Variants in MTHFD1L observed in about 807,000 individuals in gnomAD.
MTHFD1L encodes monofunctional C1-tetrahydrofolate synthase, mitochondrial.
In MTHFD1L, 81 loss-of-function variants were observed where a neutral mutation model predicts 119.5. The observed-to-expected ratio is 0.68, with a 90% CI of 0.57 to 0.82. The LOEUF is 0.82. MTHFD1L is among the 40% of genes least tolerant of loss of function. The pLI is 0.00. For synonymous variants in MTHFD1L, 430 were observed against 475.2 expected (o/e 0.90, Z 1.24); for missense variants, 1,125 against 1,253.4 (o/e 0.90, Z 1.55).
At chr6:150,992,454 G>A (rs1296357946) in intron 20 of MTHFD1L, among the ~76,000 whole-genome samples, 2 of 152,220 alleles carry the variant, frequency 1.3e-5, no homozygotes, top group African/African-American at 4.8e-5. Context: ...AGAGGGGTGG[G>A]ATGAGCGCAT....
At chr6:150,887,361 C>T (rs2128775620) in intron 6 of MTHFD1L, among the ~76,000 whole-genome samples, 1 of 152,240 alleles carries the variant, frequency 6.6e-6, no homozygotes, top group Admixed American at 6.5e-5. Context: ...GAATTGGAAC[C>T]AAAAGGGTTT....
intron 26 of MTHFD1L, among the ~76,000 whole-genome samples, chr6:151,091,111 A>AGCATCGTTCCATGCGACTGGGTG (rs1562651913): frequency 1.8e-4 from 9 of 50,600 alleles, no homozygotes; most frequent in African/African-American, 3.9e-4. Flanking sequence ...GCGACTGGGT[A>AGCATCGTTCCATGCGACTGGGTG]CAGCATCGTT....
chr6:150,880,176 A>G (rs149710840), intron 4 of MTHFD1L, among the ~76,000 whole-genome samples: 1 of 152,162 alleles, frequency 6.6e-6, no homozygotes, highest in African/African-American at 2.4e-5. Context: ...TCACTCTACT[A>G]TGTAAGAGAA....
intron 4 of MTHFD1L, among the ~76,000 whole-genome samples, chr6:150,878,297 GC>G (rs1780811490): frequency 6.6e-6 from 1 of 151,716 alleles, no homozygotes; most frequent in South Asian, 2.1e-4. Context: ...TGTTGCCCAG[GC>G]TGGAGTGCAA....
intron 20 of MTHFD1L, among the ~76,000 whole-genome samples, chr6:150,998,535 A>G (rs1780137212): frequency 6.6e-6 from 1 of 151,446 alleles, no homozygotes; most frequent in Non-Finnish European, 1.5e-5. Context: ...CTAATTCAAA[A>G]ATCCAAAATC....
At chr6:151,038,007 T>C (rs940891902) in intron 26 of MTHFD1L, among the ~76,000 whole-genome samples, 3 of 152,244 alleles carry the variant, frequency 2.0e-5, no homozygotes, top group African/African-American at 2.4e-5. Context: ...TGCTTTATTG[T>C]GCAAACAAGC....
chr6:151,079,241 G>T (rs111730094), intron 26 of MTHFD1L, among the ~76,000 whole-genome samples: 8 of 151,474 alleles, frequency 5.3e-5, no homozygotes, highest in African/African-American at 1.5e-4. Flanking sequence ...GCTGGAGGGG[G>T]TGGGGAGTAG....
chr6:150,866,263 G>A, intron 1 of MTHFD1L: 11 of 1,441,730 alleles, frequency 7.6e-6, no homozygotes, highest in Non-Finnish European at 7.3e-6. Flanking sequence ...TACCCGACCG[G>A]GCCCGCAGCG....
chr6:150,923,464 A>G (rs1284689414), intron 10 of MTHFD1L, among the ~76,000 whole-genome samples: 2 of 151,774 alleles, frequency 1.3e-5, no homozygotes, highest in Non-Finnish European at 2.9e-5. Context: ...GCAACGTTGG[A>G]ATGCACACAG....
chr6:151,033,735 G>T, intron 24 of MTHFD1L, among the ~76,000 whole-genome samples: 1 of 152,044 alleles, frequency 6.6e-6, no homozygotes, highest in Non-Finnish European at 1.5e-5. Context: ...GATCACATCA[G>T]CATTTATGTT....
chr6:151,056,591 G>A (rs57249982), intron 26 of MTHFD1L, among the ~76,000 whole-genome samples: 1,536 of 152,296 alleles, frequency 0.01, 32 homozygotes, highest in African/African-American at 0.034. Context: ...TGCCTTCAGC[G>A]ACGTGTTCTA....
chr6:151,063,129 T>G (rs1456011002), intron 26 of MTHFD1L, among the ~76,000 whole-genome samples: 2 of 152,206 alleles, frequency 1.3e-5, no homozygotes, highest in Non-Finnish European at 2.9e-5. Context: ...AGAACTGACT[T>G]TCCTTGATGC....
At chr6:151,087,811 G>A (rs1793970321) in intron 26 of MTHFD1L, among the ~76,000 whole-genome samples, 1 of 152,210 alleles carries the variant, frequency 6.6e-6, no homozygotes, top group African/African-American at 2.4e-5. Flanking sequence ...AACCCGAAAT[G>A]GGTAGAGATT....
chr6:151,070,185 T>C (rs9322301), intron 26 of MTHFD1L, among the ~76,000 whole-genome samples: 55,741 of 152,064 alleles, frequency 0.37, 12,412 homozygotes, highest in East Asian at 0.71. Flanking sequence ...AAATTATGTT[T>C]GGCAAATGAT....
chr6:150,905,271 A>G (rs1036392373), intron 7 of MTHFD1L, among the ~76,000 whole-genome samples: 1 of 151,848 alleles, frequency 6.6e-6, no homozygotes, highest in African/African-American at 2.4e-5. Flanking sequence ...TGACCTCGTG[A>G]TCCACCTGCC....
chr6:150,873,042 C>A (rs1245637238), intron 1 of MTHFD1L, among the ~76,000 whole-genome samples: 1 of 151,976 alleles, frequency 6.6e-6, no homozygotes, highest in Non-Finnish European at 1.5e-5. Context: ...TTCAGCCCGG[C>A]GAGGTGGCTC....
chr6:150,899,333 G>A (rs1487808808), intron 7 of MTHFD1L, among the ~76,000 whole-genome samples: 2 of 152,096 alleles, frequency 1.3e-5, no homozygotes, highest in African/African-American at 4.8e-5. Context: ...CCAATAATTT[G>A]TTCTACTAAT....
chr6:151,097,036 T>G (rs1412644516), intron 27 of MTHFD1L, among the ~76,000 whole-genome samples: 1 of 152,230 alleles, frequency 6.6e-6, no homozygotes, highest in East Asian at 1.9e-4. Flanking sequence ...TGTTGAGTCT[T>G]TTGTTTAAAG....
intron 24 of MTHFD1L, among the ~76,000 whole-genome samples, chr6:151,032,615 A>G (rs904879803): frequency 6.6e-6 from 1 of 152,316 alleles, no homozygotes; most frequent in Middle Eastern, 3.4e-3. Flanking sequence ...CCAAGTAACC[A>G]AAAATGAGCT....
Sources: gnomAD v4.1 joint callset for allele counts (sites outside exome capture counted in the v4.1 genomes callset) on GRCh38, gnomAD v4.1.1 for gene constraint, MANE v1.5 for transcripts, NCBI Gene and HGNC (gene_info 2026-07-23, HGNC 2026-07-21) for gene names.